The following SMYD3 variants were observed in gnomAD, a reference collection of about 807,000 sequenced individuals.
SMYD3 encodes histone-lysine N-methyltransferase SMYD3.
A neutral mutation model predicts 57.7 loss-of-function variants in SMYD3; 36 were observed. The observed-to-expected ratio is 0.62, with a 90% confidence interval of 0.48 to 0.82. The LOEUF (loss-of-function observed/expected upper bound fraction) is 0.82, where lower values mean the gene tolerates loss of function less well. Ranked by LOEUF, SMYD3 falls within the 40% of genes least tolerant of loss-of-function variation. The pLI is 0.00. For missense variants in SMYD3, 515 were observed against 538.8 expected (o/e 0.96, Z 0.44); for synonymous variants, 211 against 195.0 (o/e 1.08, Z -0.68).
Position 245,937,648 on chromosome 1 carries a change from C to T in SMYD3, c.532-7711G>A, listed in dbSNP as rs141991312. Reference sequence around the variant, plus strand: ...AAGACATCATTATAGGTTTCCATAGCTCCACGGTCACATCTACCAATTTCA... The same window carrying T: ...AAGACATCATTATAGGTTTCCATAGTTCCACGGTCACATCTACCAATTTCA... On this transcript the variant is annotated intron_variant, in intron 5 of 11. Coordinates refer to ENST00000490107, the MANE Select transcript of SMYD3 (RefSeq NM_001167740.2). 4.2e-3 allele frequency among the ~76,000 whole-genome samples: 642 copies of T among 152,366 alleles called. 2 individuals carry two copies. Among genetic ancestry groups the T allele is most frequent in the Middle Eastern group, 0.024 (7 of 294 alleles).
At chr1:246,329,385 A>G (rs2148664262) in intron 4 of SMYD3, among the ~76,000 whole-genome samples, 1 of 152,268 alleles carries the variant, frequency 6.6e-6, no homozygotes, top group East Asian at 1.9e-4. Context: ...TTGCCATTCT[A>G]TCTGGTGTGA....
In SMYD3 at chr1:246,364,502, A is replaced by G. The variant is rs115584572; in HGVS notation, c.165-9408T>C. On this transcript the variant is annotated intron_variant, in intron 1 of 11. Coordinates refer to ENST00000490107, the MANE Select transcript of SMYD3 (RefSeq NM_001167740.2). ...CAGTCTTATTATGCCGACTTTAGAG[A>G]TATTTCAATACGTTTTCAAAAGATA... Among the ~76,000 whole-genome samples, 1,036 of 152,320 alleles carry G rather than the reference A, an allele frequency of 6.8e-3. 13 individuals carry two copies. The highest frequency in any genetic ancestry group is 0.023 in the African/African-American group (974 of 41,562).
chr1:245,998,773 G>A (rs1349124632), intron 5 of SMYD3, among the ~76,000 whole-genome samples: 2 of 152,118 alleles, frequency 1.3e-5, no homozygotes, highest in African/African-American at 4.8e-5. Flanking sequence ...GTCATCAGAT[G>A]AACAGAAAAA....
intron 10 of SMYD3, chr1:245,814,405 G>A (rs2048670898): frequency 2.0e-6 from 2 of 983,618 alleles, no homozygotes; most frequent in Non-Finnish European, 2.4e-6. Flanking sequence ...TTCTTTCCTG[G>A]TCTTCTTCAA....
intron 6 of SMYD3, 93 bp from the exon 7 acceptor site, chr1:245,928,126 G>C (rs1398667802): frequency 1.1e-6 from 1 of 932,102 alleles, no homozygotes; most frequent in Non-Finnish European, 1.6e-6. Flanking sequence ...CCTTCCTTTG[G>C]GGGGCAGCAG....
At chr1:246,026,684 C>A (rs2059580262) in intron 5 of SMYD3, among the ~76,000 whole-genome samples, 1 of 152,182 alleles carries the variant, frequency 6.6e-6, no homozygotes, top group Non-Finnish European at 1.5e-5. Context: ...TGTGTGCATT[C>A]TGACAGCTTC....
chr1:246,226,503 T>C (rs2063332609), intron 5 of SMYD3, among the ~76,000 whole-genome samples: 1 of 152,200 alleles, frequency 6.6e-6, no homozygotes, highest in Non-Finnish European at 1.5e-5. Flanking sequence ...ATAGTTTGCC[T>C]AGAATTGATT....
intron 5 of SMYD3, among the ~76,000 whole-genome samples, chr1:246,011,266 C>G (rs1419070759): frequency 6.6e-6 from 1 of 152,172 alleles, no homozygotes; most frequent in Non-Finnish European, 1.5e-5. Context: ...CACCTTCCTC[C>G]TCTCTGGGAC....
chr1:246,260,587 C>A (rs12138738), intron 5 of SMYD3, among the ~76,000 whole-genome samples: 31,515 of 151,644 alleles, frequency 0.21, 3,979 homozygotes, highest in East Asian at 0.58. Context: ...AGTAGCTGGG[C>A]CTACAGAGCT....
At chr1:245,842,140 G>T (rs1275136215) in intron 10 of SMYD3, among the ~76,000 whole-genome samples, 1 of 152,106 alleles carries the variant, frequency 6.6e-6, no homozygotes, top group African/African-American at 2.4e-5. Context: ...TGACGATTGC[G>T]TGACAACAAA....
rs896497974 is a variant in SMYD3, at chr1:246,381,763, T to A, written c.165-26669A>T. ...CAACACCAATAACTGTTGACACTTT[T>A]AGAAGAAAATCAAAGCAGCCCCTGC... On this transcript the variant is annotated intron_variant, in intron 1 of 11. Transcript: ENST00000490107. Among the ~76,000 whole-genome samples, 4 of 152,338 alleles carry A rather than the reference T, an allele frequency of 2.6e-5. No individual in the cohort carries two copies. In the East Asian group the frequency reaches 7.7e-4, roughly 29 times the overall value.
chr1:245,888,763 A>G (rs1028760751), intron 8 of SMYD3, among the ~76,000 whole-genome samples: 1 of 152,252 alleles, frequency 6.6e-6, no homozygotes, highest in Admixed American at 6.5e-5. Context: ...ACATGCAGAA[A>G]GAGCCCAATC....
At chr1:246,477,115 A>C (rs116198987) in intron 1 of SMYD3, among the ~76,000 whole-genome samples, 3 of 152,348 alleles carry the variant, frequency 2.0e-5, no homozygotes, top group Non-Finnish European at 4.4e-5. Flanking sequence ...TAAAATGTTT[A>C]ATTCCTATTA....
chr1:246,029,786 C>T (rs2059637871), intron 5 of SMYD3, among the ~76,000 whole-genome samples: 1 of 151,490 alleles, frequency 6.6e-6, no homozygotes, highest in Admixed American at 6.6e-5. Context: ...ATCAAAACCA[C>T]AATGAAATAT....
chr1:246,435,489 T>C (rs75410326), intron 1 of SMYD3, among the ~76,000 whole-genome samples: 2 of 152,118 alleles, frequency 1.3e-5, no homozygotes, highest in Non-Finnish European at 2.9e-5. Context: ...GTGAAAACTT[T>C]ATATTCAGAC....
chr1:246,330,599 A>G, intron 3 of SMYD3, 62 bp from the exon 4 acceptor site: 1 of 1,396,568 alleles, frequency 7.2e-7, no homozygotes, highest in Non-Finnish European at 9.8e-7. Flanking sequence ...ATAAACAAAT[A>G]AGTTTGAGTA....
In SMYD3 at chr1:245,787,505, G is replaced by A. The variant is rs147425216; in HGVS notation, c.1077-23356C>T. ...CACTTGGGCTGAAGGACTCACCAAC[G>A]GCCTTCTTAGTGTGGCCTCACAAAT... is the stretch of plus-strand genomic sequence containing the variant. On this transcript the variant is annotated intron_variant, in intron 10 of 11. Coordinates refer to ENST00000490107, the MANE Select transcript of SMYD3 (RefSeq NM_001167740.2). 2.6e-3 allele frequency among the ~76,000 whole-genome samples: 392 copies of A among 152,074 alleles called. 2 individuals carry two copies. Among genetic ancestry groups the A allele is most frequent in the African/African-American group, 8.8e-3 (363 of 41,474 alleles).
intron 1 of SMYD3, among the ~76,000 whole-genome samples, chr1:246,490,022 T>G (rs1298028369): frequency 3.6e-5 from 2 of 55,972 alleles, no homozygotes; most frequent in East Asian, 5.0e-4. Context: ...TTTTTTTTTT[T>G]GTCAGGACAG....
chr1:246,160,290 T>C (rs3845515), intron 5 of SMYD3, among the ~76,000 whole-genome samples: 77,438 of 152,170 alleles, frequency 0.51, 23,858 homozygotes, highest in Non-Finnish European at 0.7. Context: ...GAGAACTCTA[T>C]GTCTTTCTTT....
Sources: allele counts gnomAD v4.1 joint callset (sites outside exome capture counted in the v4.1 genomes callset), GRCh38; gene constraint gnomAD v4.1.1; transcripts MANE v1.5; gene names NCBI Gene and HGNC (gene_info 2026-07-23, HGNC 2026-07-21).